ACSM2A: variants seen among roughly 807,000 people sequenced by gnomAD.
ACSM2A encodes acyl-CoA synthetase medium chain family member 2A.
ACSM2A carries 72 observed loss-of-function variants against 76.6 expected under a neutral mutation model. The ratio of observed to expected loss-of-function variants is 0.94; its 90% CI spans 0.78 to 1.14. ACSM2A has a LOEUF of 1.14. Among genes scored for constraint, ACSM2A ranks in the 50% most tolerant of loss-of-function variants. ACSM2A has a pLI of 0.00. For synonymous variants in ACSM2A, 249 were observed against 255.9 expected, an observed-to-expected ratio of 0.97 and a Z score of 0.26; for missense variants, 684 against 708.5, an observed-to-expected ratio of 0.97 and a Z score of 0.39.
At chr16:20,469,423 A>C in intron 3 of ACSM2A, 89 bp from the exon 4 acceptor site, 1 of 1,579,846 alleles carries the variant, frequency 6.3e-7, no homozygotes, top group Admixed American at 1.8e-5. Flanking sequence ...CTCCTTCCCC[A>C]CTTGCTCGCT....
chr16:20,455,081 C>T (rs1334507397), intron 1 of ACSM2A, among the ~76,000 whole-genome samples: 1 of 128,182 alleles, frequency 7.8e-6, no homozygotes. Flanking sequence ...TTGACTTAGC[C>T]AAATCCAACA....
At position 20,478,577 on chromosome 16, in the gene ACSM2A, T is replaced by G. The variant is rs767605506; in HGVS notation, c.1181T>G (p.Ile394Ser). The G allele has an allele frequency of 2.7e-5, 44 of 1,613,342 alleles. No individual in the cohort carries two copies. Among genetic ancestry groups the G allele is most frequent in the Admixed American group, 5.0e-5 (3 of 59,990 alleles). Residue 394 changes from isoleucine (I) to serine (S), a missense_variant and splice_region_variant, in exon 10 of 14, where the codon ATC becomes AGC. Physicochemically the swap from Ile to Ser is moderately radical, Grantham distance 142 (BLOSUM62 -2). This residue lies in a region of ACSM2A where 519 missense variants were observed against 549.5 expected (regional missense o/e 0.94). Transcript: ENST00000573854. ...CTTCCAATCTGCTTCTTTCTCCAGATCATAGATGATAAGGGCAACGTCCTG... is the reference window on the plus strand; with the variant it reads ...CTTCCAATCTGCTTCTTTCTCCAGAGCATAGATGATAAGGGCAACGTCCTG... ...GTAASCYDVQ[I>S]IDDKGNVLPP...
chr16:20,463,844 C>T (rs1348982891), intron 2 of ACSM2A, among the ~76,000 whole-genome samples: 2 of 152,148 alleles, frequency 1.3e-5, no homozygotes, highest in African/African-American at 2.4e-5. Flanking sequence ...GTCAGAATTT[C>T]CTTCCTTTTT....
chr16:20,486,672 G>C lies in ACSM2A; in HGVS notation c.1728G>C (p.Ala576=). The change falls in exon 14 of 14, where the codon GCG becomes GCC. Residue 576 remains alanine, a synonymous_variant. Coordinates refer to ENST00000573854, the MANE Select transcript of ACSM2A (RefSeq NM_001308172.2). ...GGAAGATGTCCGGAAAAGCCCGTGC[G>C]CAGTGAGACATCTAAGAGACATTCA... The part of the protein sequence containing the change: ...KEWKMSGKAR[A]Q 6.2e-7 allele frequency: 1 copy of C among 1,614,112 alleles called. No individual in the cohort carries two copies. Among genetic ancestry groups the C allele is most frequent in the South Asian group, 1.1e-5 (1 of 91,066 alleles).
rs144033817 is a variant in ACSM2A at position 20,460,135 on chromosome 16, T to C, written c.21T>C (p.Val7=). ...TGAATATGCATTGGCTGCGAAAAGTTCAGGGACTTTGCACCCTGTGGGGTA... is the reference window on the plus strand; with the variant it reads ...TGAATATGCATTGGCTGCGAAAAGTCCAGGGACTTTGCACCCTGTGGGGTA... MHWLRK[V]QGLCTLWGTQ... The change falls in exon 2 of 14, where the codon GTT becomes GTC. Residue 7 remains valine (V), a synonymous_variant. Transcript: ENST00000573854. The C allele has an allele frequency of 4.0e-4, 640 of 1,611,704 alleles. No homozygotes were observed. Among genetic ancestry groups the C allele is most frequent in the Non-Finnish European group, 5.1e-4 (606 of 1,178,600 alleles).
chr16:20,477,644 A>T (rs1285762675), intron 9 of ACSM2A, among the ~76,000 whole-genome samples, 195 bp downstream of exon 9: 1 of 152,154 alleles, frequency 6.6e-6, no homozygotes, highest in Non-Finnish European at 1.5e-5. Context: ...AATGATTTAT[A>T]TTCTTACCAT....
At chr16:20,461,894 A>G (rs1367292253) in intron 2 of ACSM2A, among the ~76,000 whole-genome samples, 1 of 152,120 alleles carries the variant, frequency 6.6e-6, no homozygotes, top group South Asian at 2.1e-4. Flanking sequence ...CTCAGAGACT[A>G]GGGTTTTCAA....
Position 20,487,107 on chromosome 16 carries a change from GAA to G in ACSM2A, c.*431_*432del, listed in dbSNP as rs1391175411. ...AAGGAAAGAAATAAAGAGAGAAAGA[GAA>G]AGAAGAAAGAGCAAAAGAACACAAG... On this transcript the variant is annotated 3_prime_UTR_variant, in exon 14 of 14. Transcript: ENST00000573854. The G allele has an allele frequency of 2.0e-5, 3 of 151,674 alleles. No individual in the cohort carries two copies. The Admixed American group carries it at 2.0e-4, about 10-fold the overall frequency. 9.4% of individuals were successfully genotyped at this position (151,674 alleles called of 1,614,324 possible). A position where few individuals can be genotyped will look rare whatever the true frequency, so the allele number is the denominator to read the frequency against.
intron 6 of ACSM2A, chr16:20,474,230 A>G: frequency 3.8e-6 from 1 of 260,428 alleles, no homozygotes; most frequent in South Asian, 3.7e-5. Flanking sequence ...TGTTTTACAG[A>G]GTTTGGCTCC....
At chr16:20,464,382 T>C (rs1329057340) in intron 2 of ACSM2A, among the ~76,000 whole-genome samples, 3 of 152,124 alleles carry the variant, frequency 2.0e-5, no homozygotes, top group Non-Finnish European at 4.4e-5. Context: ...AGAAAAGAGA[T>C]TTAATTGGCC....
intron 10 of ACSM2A, among the ~76,000 whole-genome samples, chr16:20,479,348 C>T (rs1235519764): frequency 1.3e-5 from 2 of 152,146 alleles, no homozygotes; most frequent in Non-Finnish European, 2.9e-5. Context: ...ATGAGGCAAG[C>T]ATTGTCCTAT....
intron 3 of ACSM2A, among the ~76,000 whole-genome samples, chr16:20,467,263 G>A (rs1045495931): frequency 6.6e-6 from 1 of 152,128 alleles, no homozygotes; most frequent in African/African-American, 2.4e-5. Context: ...TGCTAAACTG[G>A]CAGTGCCTTG....
chr16:20,476,429 C>A, intron 8 of ACSM2A: 1 of 985,518 alleles, frequency 1.0e-6, no homozygotes, highest in Non-Finnish European at 1.2e-6. Context: ...ACCCTGCATC[C>A]TTCTTTGGCT....
At chr16:20,462,864 G>A (rs186883717) in intron 2 of ACSM2A, among the ~76,000 whole-genome samples, 1 of 152,138 alleles carries the variant, frequency 6.6e-6, no homozygotes, top group African/African-American at 2.4e-5. Flanking sequence ...TGAGGAATAT[G>A]TGTACACTCA....
intron 1 of ACSM2A, chr16:20,452,254 G>A: frequency 6.6e-6 from 1 of 151,868 alleles, no homozygotes; most frequent in Non-Finnish European, 1.5e-5. Context: ...CTTAATCTGG[G>A]TAGGAACCAC....
chr16:20,455,013 C>T (rs2012051685), intron 1 of ACSM2A, among the ~76,000 whole-genome samples: 1 of 150,036 alleles, frequency 6.7e-6, no homozygotes, highest in African/African-American at 2.5e-5. Context: ...CACTGAAAAG[C>T]CTCAACAATA....
In ACSM2A at chr16:20,465,571, G is replaced by A. The variant is rs34655000; in HGVS notation, c.232G>A (p.Glu78Lys). 40,513 of 1,613,760 alleles carry A rather than the reference G, an allele frequency of 0.025. 155 individuals are homozygous for A. Among genetic ancestry groups the A allele is most frequent in the South Asian group, 0.032 (2,937 of 91,010 alleles). The part of the protein sequence containing the change: ...ALWWVNGKGK[E>K]LMWNFRELSE... ...GTGGTGGGTGAATGGGAAGGGGAAG[G>A]AATTAATGTGGAATTTCAGAGAACT... The change falls in exon 3 of 14, where the codon GAA becomes AAA. Residue 78 changes from glutamate to lysine, a missense_variant. Physicochemically the swap from Glu to Lys is moderately conservative, Grantham distance 56. Coordinates refer to ENST00000573854, the MANE Select transcript of ACSM2A (RefSeq NM_001308172.2).
chr16:20,486,054 T>A (rs1304635134), intron 13 of ACSM2A, among the ~76,000 whole-genome samples: 2 of 152,250 alleles, frequency 1.3e-5, no homozygotes, highest in African/African-American at 2.4e-5. Flanking sequence ...AAATGAGGTA[T>A]CCTAATTCTT....
chr16:20,482,825 T>A (rs2014158986), intron 12 of ACSM2A: 1 of 450,786 alleles, frequency 2.2e-6, no homozygotes, highest in Non-Finnish European at 3.9e-6. Flanking sequence ...TATTGGAGTA[T>A]GAGGTGAGCC....
Sources: gnomAD v4.1 joint callset for allele counts (sites outside exome capture counted in the v4.1 genomes callset) on GRCh38, gnomAD v4.1.1 for gene constraint, gnomAD v4.1.1 regional missense constraint, MANE v1.5 for transcripts, NCBI Gene and HGNC (gene_info 2026-07-23, HGNC 2026-07-21) for gene names.